CMYA5: variants seen among roughly 807,000 people sequenced by gnomAD.
CMYA5 encodes the protein cardiomyopathy-associated protein 5.
In CMYA5, 246 loss-of-function variants were observed where a neutral mutation model predicts 318.9. The observed-to-expected ratio is 0.77, with a 90% CI of 0.70 to 0.86. The LOEUF (loss-of-function observed/expected upper bound fraction) is 0.86. Ranked by LOEUF, CMYA5 falls within the 40% of genes least tolerant of loss-of-function variation. The pLI is 0.00. For synonymous variants in CMYA5, 1,641 were observed against 1,729.5 expected, an observed-to-expected ratio of 0.95 and a Z score of 1.27; for missense variants, 4,589 against 4,678.2, an observed-to-expected ratio of 0.98 and a Z score of 0.56.
At chr5:79,777,706 C>T (rs548907704) in intron 9 of CMYA5, among the ~76,000 whole-genome samples, 2 of 151,312 alleles carry the variant, frequency 1.3e-5, no homozygotes, top group East Asian at 1.9e-4. Flanking sequence ...ACTCAGGAGG[C>T]GGAGGTTTCA....
Position 79,729,681 on chromosome 5 carries a change from G to A in CMYA5, c.916G>A (p.Ala306Thr), listed in dbSNP as rs200009587. Reference protein sequence around the residue: ...VKEVFPPWRGALSKGSESLTL... With the variant: ...VKEVFPPWRGTLSKGSESLTL... Reference sequence around the variant, plus strand: ...AGAGGTTTTTCCACCCTGGAGAGGCGCACTCTCCAAAGGATCAGAGTCCCT... The same window carrying A: ...AGAGGTTTTTCCACCCTGGAGAGGCACACTCTCCAAAGGATCAGAGTCCCT... The change falls in exon 2 of 13, where the codon GCA (alanine) becomes ACA (threonine). Residue 306 changes from alanine to threonine, a missense_variant. Ala to Thr is a moderately conservative substitution (Grantham distance 58). Transcript: ENST00000446378. 141 of 1,613,516 alleles carry A rather than the reference G, an allele frequency of 8.7e-5. No homozygotes were observed. Among genetic ancestry groups the A allele is most frequent in the Non-Finnish European group, 1.1e-4 (126 of 1,179,580 alleles).
At chr5:79,791,713 CA>C (rs61063837) in intron 11 of CMYA5, among the ~76,000 whole-genome samples, 11,054 of 91,886 alleles carry the variant, frequency 0.12, 543 homozygotes, top group African/African-American at 0.26. Flanking sequence ...GACTCTGTCT[CA>C]AAAAAAAAAA....
At chr5:79,768,085 G>A (rs916539683) in intron 9 of CMYA5, among the ~76,000 whole-genome samples, 1 of 151,448 alleles carries the variant, frequency 6.6e-6, no homozygotes, top group African/African-American at 2.4e-5. Context: ...ATCTTTGTTG[G>A]TTTAAAGTCT....
chr5:79,758,908 A>C lies in CMYA5; in HGVS notation c.11260+6A>C. 1.9e-6 allele frequency: 3 copies of C among 1,567,580 alleles called. No homozygotes were observed. The highest frequency in any genetic ancestry group is 1.8e-5 in the Admixed American group (1 of 54,108). ...AGATGATCAAGAAGTAAATGGTAGG[A>C]TTGCTAACACAAATACAAATGCATA... is the stretch of plus-strand genomic sequence containing the variant. On this transcript the variant is annotated splice_donor_region_variant and intron_variant, in intron 7 of 12. Coordinates refer to ENST00000446378, the MANE Select transcript of CMYA5 (RefSeq NM_153610.5).
In CMYA5 at chr5:79,730,396, A is replaced by G. The variant is rs1272399875; in HGVS notation, c.1631A>G (p.Glu544Gly). The change falls in exon 2 of 13, where the codon GAG becomes GGG. Residue 544 changes from glutamate to glycine, a missense_variant. Physicochemically the swap from Glu to Gly is moderately conservative, Grantham distance 98. Around this residue, in one of 3 missense-constraint regions of CMYA5, gnomAD observed 2,132 missense variants for 2,131.3 expected, o/e 1.00. Coordinates refer to ENST00000446378, the MANE Select transcript of CMYA5 (RefSeq NM_153610.5). ...LDYPESPLVS[E>G]KPFPPHMSPE... ...TACCCAGAAAGCCCATTGGTTTCCG[A>G]GAAGCCCTTCCCACCACATATGTCC... 6.2e-6 allele frequency: 10 copies of G among 1,613,928 alleles called. No individual in the cohort carries two copies. The highest frequency in any genetic ancestry group is 6.8e-6 in the Non-Finnish European group (8 of 1,179,884).
intron 1 of CMYA5, among the ~76,000 whole-genome samples, chr5:79,699,613 G>A (rs921721328): frequency 1.3e-5 from 2 of 152,176 alleles, no homozygotes; most frequent in African/African-American, 4.8e-5. Flanking sequence ...AGCAGACTGG[G>A]TGATATAGTT....
At chr5:79,720,190 C>T (rs1314646789) in intron 1 of CMYA5, among the ~76,000 whole-genome samples, 1 of 152,020 alleles carries the variant, frequency 6.6e-6, no homozygotes, top group African/African-American at 2.4e-5. Context: ...ATTCCAGAAA[C>T]CATGCAAACT....
intron 5 of CMYA5, among the ~76,000 whole-genome samples, chr5:79,750,359 A>G (rs1580785704): frequency 6.6e-6 from 1 of 152,216 alleles, no homozygotes; most frequent in East Asian, 1.9e-4. Context: ...ACAGTATATA[A>G]TATGTATACA....
In CMYA5 at chr5:79,735,791, T is replaced by G; in HGVS notation, c.7026T>G (p.Asp2342Glu). ...AKTIVPPHVT[D>E]SKRVQKPAIA... is the part of the protein sequence containing the mutation. ...CTATTGTTCCTCCTCATGTTACTGA[T>G]AGTAAAAGAGTCCAGAAGCCAGCAA... The change falls in exon 2 of 13, where the codon GAT becomes GAG. Residue 2342 changes from aspartate to glutamate, a missense_variant. By Grantham distance (45) the Asp-to-Glu change is conservative (BLOSUM62 2). Coordinates refer to ENST00000446378, the MANE Select transcript of CMYA5 (RefSeq NM_153610.5). 6.4e-7 allele frequency: 1 copy of G among 1,556,422 alleles called. No individual in the cohort carries two copies. The highest frequency in any genetic ancestry group is 8.6e-7 in the Non-Finnish European group (1 of 1,159,746).
chr5:79,735,034 A>T lies in CMYA5; in HGVS notation c.6269A>T (p.His2090Leu). ...EPALGNEKEA[H>L]RSTPPFPEEK... ...GCATTGGGCAATGAAAAAGAAGCACACAGGAGCACACCTCCTTTTCCTGAA... is the reference window on the plus strand; with the variant it reads ...GCATTGGGCAATGAAAAAGAAGCACTCAGGAGCACACCTCCTTTTCCTGAA... Residue 2090 changes from histidine (H) to leucine (L), a missense_variant, in exon 2 of 13, where the codon CAC becomes CTC. By Grantham distance (99) the His-to-Leu change is moderately conservative. Transcript: ENST00000446378. 6.2e-7 allele frequency: 1 copy of T among 1,613,870 alleles called. No homozygotes were observed. Among genetic ancestry groups the T allele is most frequent in the Non-Finnish European group, 8.5e-7 (1 of 1,179,816 alleles).
chr5:79,737,108 T>A lies in CMYA5; in HGVS notation c.8343T>A (p.Ser2781Arg), dbSNP rs766820259. ...KGGSVDITKE[S>R]MKEGFPSKES... is the part of the protein sequence containing the mutation. ...GTTCAGTAGATATCACAAAAGAAAG[T>A]ATGAAAGAAGGATTTCCATCTAAAG... Residue 2781 changes from serine to arginine, a missense_variant, in exon 2 of 13, where the codon AGT (serine) becomes AGA (arginine). Physicochemically the swap from Ser to Arg is moderately radical, Grantham distance 110. Coordinates refer to ENST00000446378, the MANE Select transcript of CMYA5 (RefSeq NM_153610.5). 1.2e-6 allele frequency: 2 copies of A among 1,613,490 alleles called. No homozygotes were observed. The highest frequency in any genetic ancestry group is 2.2e-5 in the East Asian group (1 of 44,858).
At chr5:79,717,378 A>G (rs13171893) in intron 1 of CMYA5, among the ~76,000 whole-genome samples, 49,670 of 152,000 alleles carry the variant, frequency 0.33, 8,289 homozygotes, top group Middle Eastern at 0.46. Context: ...TAAAGGAGCT[A>G]AGATATACAT....
Position 79,730,263 on chromosome 5 carries a change from A to C in CMYA5, c.1498A>C (p.Met500Leu). Residue 500 changes from methionine to leucine, a missense_variant, in exon 2 of 13, where the codon ATG (methionine) becomes CTG (leucine). Physicochemically the swap from Met to Leu is conservative, Grantham distance 15 (BLOSUM62 2). Transcript: ENST00000446378. ...ATCCATTTCTCTTTCTGAACCTCTA[A>C]TGTTAGAAGAACCAGAGAAAGAAGA... ...EPSISLSEPL[M>L]LEEPEKEEIE... 1 of 1,613,916 alleles carries C rather than the reference A, an allele frequency of 6.2e-7. No homozygotes were observed. The highest frequency in any genetic ancestry group is 1.3e-5 in the African/African-American group (1 of 75,032).
Position 79,738,859 on chromosome 5 carries a change from C to G in CMYA5, c.10094C>G (p.Ala3365Gly), listed in dbSNP as rs376351210. 47 of 1,613,760 alleles carry G rather than the reference C, an allele frequency of 2.9e-5. No homozygotes were observed. The highest frequency in any genetic ancestry group is 3.8e-5 in the Non-Finnish European group (45 of 1,179,856). Residue 3365 changes from alanine (A) to glycine (G), a missense_variant, in exon 2 of 13, where the codon GCA (alanine) becomes GGA (glycine). This residue lies in a region of CMYA5 where 2,431 missense variants were observed against 2,495.1 expected (regional missense o/e 0.97). Transcript: ENST00000446378. ...AGSHGNEVGN[A>G]SPEVNLNVPV... The stretch of plus-strand genomic sequence containing the variant: ...AGTCACGGTAATGAAGTCGGAAATG[C>G]AAGTCCAGAGGTCAATCTGAATGTC...
intron 1 of CMYA5, among the ~76,000 whole-genome samples, chr5:79,694,713 T>G (rs560334440): frequency 6.6e-6 from 1 of 152,152 alleles, no homozygotes; most frequent in African/African-American, 2.4e-5. Context: ...TTGTAAATGG[T>G]TTTCATTATC....
rs1293938436 is a variant in CMYA5, at chr5:79,799,409, TGTGACTGAGCGTCCA to T, written c.12005_12019del (p.Val4002_Pro4006del). ...ACAGTGGTATTGTGAGTGATGTTCATGTGACTGAGCGTCCAGCCAGAGTGGGCATCCTGCTGGACT... is the reference window on the plus strand; with the variant it reads ...ACAGTGGTATTGTGAGTGATGTTCATGCCAGAGTGGGCATCCTGCTGGACT... On this transcript the variant is annotated inframe_deletion, in exon 13 of 13. Transcript: ENST00000446378. 1.2e-6 allele frequency: 2 copies of T among 1,613,684 alleles called. No homozygotes were observed. The highest frequency in any genetic ancestry group is 3.3e-5 in the Admixed American group (2 of 60,028).
At chr5:79,755,500 T>G (rs1413982179) in intron 6 of CMYA5, among the ~76,000 whole-genome samples, 1 of 152,122 alleles carries the variant, frequency 6.6e-6, no homozygotes, top group Non-Finnish European at 1.5e-5. Context: ...TTGGCCAGGT[T>G]GGTCTCCTAC....
chr5:79,762,090 G>C (rs1828664278), intron 8 of CMYA5, 133 bp downstream of exon 8: 2 of 1,000,910 alleles, frequency 2.0e-6, no homozygotes, highest in African/African-American at 1.6e-5. Context: ...GTTATACAAC[G>C]ATGACTTAAG....
Position 79,737,585 on chromosome 5 carries a change from G to A in CMYA5, c.8820G>A (p.Gln2940=), listed in dbSNP as rs1190921455. 1.2e-6 allele frequency: 2 copies of A among 1,613,706 alleles called. No individual in the cohort carries two copies. The highest frequency in any genetic ancestry group is 4.5e-5 in the East Asian group (2 of 44,862). The change falls in exon 2 of 13, where the codon CAG becomes CAA. Residue 2940 remains glutamine (Q), a synonymous_variant. Coordinates refer to ENST00000446378, the MANE Select transcript of CMYA5 (RefSeq NM_153610.5). ...TSKPAGLSED[Q]KTAFSIISEG... ...AGCCAGCCGGACTTTCAGAAGATCA[G>A]AAGACTGCCTTTAGTATCATTTCTG... is the stretch of plus-strand genomic sequence containing the variant.
Sources: allele counts gnomAD v4.1 joint callset (sites outside exome capture counted in the v4.1 genomes callset), GRCh38; gene constraint gnomAD v4.1.1; regional missense constraint gnomAD v4.1.1; transcripts MANE v1.5; gene names NCBI Gene and HGNC (gene_info 2026-07-23, HGNC 2026-07-21).